Variants in STARD10 observed in about 807,000 individuals in gnomAD.
STARD10 encodes START domain-containing protein 10.
Under a neutral mutation model 36.0 loss-of-function variants are expected in STARD10, and 24 were observed. The observed-to-expected ratio is 0.67, with a 90% CI of 0.48 to 0.94. STARD10 has a LOEUF of 0.94. Among genes scored for constraint, STARD10 ranks in the 40% least tolerant of loss-of-function variants. STARD10 has a pLI of 0.00. For synonymous variants in STARD10, 156 were observed against 161.9 expected, an observed-to-expected ratio of 0.96 and a Z score of 0.28; for missense variants, 335 against 396.6, an observed-to-expected ratio of 0.84 and a Z score of 1.32.
At chr11:72,764,772 A>AT (rs923665753) in intron 2 of STARD10, among the ~76,000 whole-genome samples, 8 of 152,188 alleles carry the variant, frequency 5.3e-5, no homozygotes, top group South Asian at 2.1e-4. Context: ...ACCCCCAGCT[A>AT]TTAGGCCCTG....
chr11:72,755,984 C>T (rs907113536), intron 5 of STARD10: 108 of 454,082 alleles, frequency 2.4e-4, no homozygotes, highest in Non-Finnish European at 3.3e-4. Context: ...TCAAAGATTA[C>T]GTGGAAGAAA....
intron 2 of STARD10, among the ~76,000 whole-genome samples, chr11:72,762,859 C>G (rs1367904038): frequency 2.0e-5 from 3 of 152,066 alleles, no homozygotes; most frequent in African/African-American, 7.2e-5. Context: ...CTGGCTCAGT[C>G]TCCGTGGTGT....
At position 72,754,941 on chromosome 11, in the gene STARD10, C is replaced by G. The variant is rs748883672; in HGVS notation, c.832G>C (p.Gly278Arg). 6.2e-7 allele frequency: 1 copy of G among 1,604,426 alleles called. No individual in the cohort carries two copies. The highest frequency in any genetic ancestry group is 1.7e-5 in the Admixed American group (1 of 59,712). Reference protein sequence around the residue: ...VAESREERMGGAGGEGSDDDT... With the variant: ...VAESREERMGRAGGEGSDDDT... Reference sequence around the variant, plus strand: ...TCGTCGCTGCCCTCGCCGCCCGCGCCGCCCATCCGCTCCTCTCTGCTCTCG... The same window carrying G: ...TCGTCGCTGCCCTCGCCGCCCGCGCGGCCCATCCGCTCCTCTCTGCTCTCG... The change falls in exon 7 of 7, where the codon GGC (glycine) becomes CGC (arginine). Residue 278 changes from glycine (G) to arginine (R), a missense_variant. Gly to Arg is a moderately radical substitution (Grantham distance 125, BLOSUM62 -2). Coordinates refer to ENST00000334805, the MANE Select transcript of STARD10 (RefSeq NM_006645.3).
chr11:72,771,581 A>G (rs1858858042), intron 2 of STARD10, among the ~76,000 whole-genome samples: 1 of 152,120 alleles, frequency 6.6e-6, no homozygotes, highest in African/African-American at 2.4e-5. Flanking sequence ...GAGCTCCCTG[A>G]GCAGACTGAG....
intron 2 of STARD10, among the ~76,000 whole-genome samples, chr11:72,778,653 G>A (rs1000606399): frequency 3.3e-5 from 5 of 152,192 alleles, no homozygotes; most frequent in Non-Finnish European, 7.4e-5. Flanking sequence ...ACCCTGCAGG[G>A]AGAAGCAAGG....
chr11:72,768,205 C>T (rs1858816338), intron 2 of STARD10, among the ~76,000 whole-genome samples: 1 of 152,182 alleles, frequency 6.6e-6, no homozygotes, highest in Non-Finnish European at 1.5e-5. Flanking sequence ...AGATGCAAAG[C>T]CTGGCCCACA....
chr11:72,769,735 C>T (rs1200398714), intron 2 of STARD10, among the ~76,000 whole-genome samples: 1 of 152,210 alleles, frequency 6.6e-6, no homozygotes, highest in Non-Finnish European at 1.5e-5. Context: ...AGTTATGTTA[C>T]AATATTCATG....
At chr11:72,788,519 A>C (rs1190436801) in intron 1 of STARD10, among the ~76,000 whole-genome samples, 1 of 151,696 alleles carries the variant, frequency 6.6e-6, no homozygotes, top group Admixed American at 6.6e-5. Flanking sequence ...GATTTAGCAA[A>C]TATTTGGGAT....
At chr11:72,772,835 G>A (rs534668) in intron 2 of STARD10, among the ~76,000 whole-genome samples, 49,009 of 151,892 alleles carry the variant, frequency 0.32, 8,563 homozygotes, top group South Asian at 0.43. Flanking sequence ...GCTTTATCCT[G>A]CTGGTCCCCT....
intron 1 of STARD10, chr11:72,790,353 C>T (rs1383723544): frequency 8.9e-6 from 1 of 112,006 alleles, no homozygotes; most frequent in African/African-American, 3.4e-5. Flanking sequence ...GTGGGGCTCT[C>T]AGTGAGTTCT....
intron 1 of STARD10, among the ~76,000 whole-genome samples, chr11:72,788,933 A>G (rs1859106799): frequency 6.6e-6 from 1 of 152,076 alleles, no homozygotes; most frequent in Admixed American, 6.5e-5. Flanking sequence ...ATAGCACACT[A>G]CAGCCTTGAA....
At chr11:72,779,286 C>T (rs1858962474) in intron 2 of STARD10, among the ~76,000 whole-genome samples, 1 of 152,190 alleles carries the variant, frequency 6.6e-6, no homozygotes, top group African/African-American at 2.4e-5. Flanking sequence ...CCTCCCCCCT[C>T]TCTTCCACCA....
chr11:72,755,306 C>CCTTTTTTTTTTTTTTTTTT, intron 6 of STARD10, 164 bp from the exon 7 acceptor site: 1 of 355,968 alleles, frequency 2.8e-6, no homozygotes, highest in South Asian at 2.9e-5. Context: ...ATTCTCCATT[C>CCTTTTTTTTTTTTTTTTTT]TTTTTTTTTT....
chr11:72,762,721 G>A (rs182135787), intron 2 of STARD10, among the ~76,000 whole-genome samples: 27 of 152,242 alleles, frequency 1.8e-4, no homozygotes, highest in African/African-American at 6.3e-4. Context: ...TGGGTCGGGG[G>A]ATCAGGCTTC....
chr11:72,757,145 C>CAAAAAAA (rs34839119), intron 5 of STARD10, among the ~76,000 whole-genome samples: 9 of 102,188 alleles, frequency 8.8e-5, no homozygotes, highest in African/African-American at 3.3e-4. Context: ...AACTCTGTCT[C>CAAAAAAA]AAAAAAAAAA....
At position 72,754,946 on chromosome 11, in the gene STARD10, A is replaced by ATCC; in HGVS notation, c.824_826dup (p.Arg275dup). ...GCTGCCCTCGCCGCCCGCGCCGCCC[A>ATCC]TCCGCTCCTCTCTGCTCTCGGCCAC... On this transcript the variant is annotated inframe_insertion, in exon 7 of 7. Coordinates refer to ENST00000334805, the MANE Select transcript of STARD10 (RefSeq NM_006645.3). 6.2e-7 allele frequency: 1 copy of ATCC among 1,606,756 alleles called. No individual in the cohort carries two copies.
At chr11:72,759,836 A>C (rs553760016) in intron 2 of STARD10, among the ~76,000 whole-genome samples, 9 of 152,332 alleles carry the variant, frequency 5.9e-5, no homozygotes, top group Admixed American at 5.9e-4. Context: ...CCTGGTACTT[A>C]TCACGCGGCC....
At chr11:72,767,595 C>T (rs960981519) in intron 2 of STARD10, among the ~76,000 whole-genome samples, 1 of 152,190 alleles carries the variant, frequency 6.6e-6, no homozygotes, top group African/African-American at 2.4e-5. Context: ...GGTTATAATG[C>T]AGCACTTTGC....
At chr11:72,755,309 T>TA in intron 6 of STARD10, 167 bp from the exon 7 acceptor site, 5 of 459,664 alleles carry the variant, frequency 1.1e-5, no homozygotes, top group Middle Eastern at 7.1e-4. Flanking sequence ...CTCCATTCTT[T>TA]TTTTTTTTTT....
Sources: gnomAD v4.1 joint callset for allele counts (sites outside exome capture counted in the v4.1 genomes callset) on GRCh38, gnomAD v4.1.1 for gene constraint, MANE v1.5 for transcripts, NCBI Gene and HGNC (gene_info 2026-07-23, HGNC 2026-07-21) for gene names.